CDH20: variants seen among roughly 807,000 people sequenced by gnomAD.
CDH20 encodes cadherin-20.
Under a neutral mutation model 74.2 loss-of-function variants are expected in CDH20, and 29 were observed. The ratio of observed to expected loss-of-function variants is 0.39; its 90% CI spans 0.29 to 0.53. The LOEUF (loss-of-function observed/expected upper bound fraction) is 0.53, where lower values mean the gene tolerates loss of function less well. Among genes scored for constraint, CDH20 ranks in the 20% least tolerant of loss-of-function variants. The probability of loss-of-function intolerance (pLI) is 0.69; values close to 1 mark genes in which losing one functional copy is unlikely to be tolerated. For missense variants in CDH20, 988 were observed against 1,048.3 expected (o/e 0.94, Z 0.79); for synonymous variants, 469 against 405.4 (o/e 1.16, Z -1.88).
In CDH20 at chr18:61,442,831, T is replaced by C. The variant is rs889311534; in HGVS notation, c.-152-47571T>C. Among the ~76,000 whole-genome samples, 3 of 152,108 alleles carry C rather than the reference T, an allele frequency of 2.0e-5. 1 individual carries two copies. In the South Asian group the frequency reaches 6.2e-4, roughly 32 times the overall value. ...TTAGCAGTAATTCATCTCTGAGCAG[T>C]TAGCAATGGCACACAGATCTGGCCT... On this transcript the variant is annotated intron_variant, in intron 1 of 11. Transcript: ENST00000262717.
chr18:61,422,368 A>G (rs1244772081), intron 1 of CDH20, among the ~76,000 whole-genome samples: 1 of 152,108 alleles, frequency 6.6e-6, no homozygotes, highest in East Asian at 1.9e-4. Context: ...TTCTGTCTTG[A>G]TATCATTTAA....
At chr18:61,336,474 G>T (rs1281397159) in intron 1 of CDH20, among the ~76,000 whole-genome samples, 1 of 152,178 alleles carries the variant, frequency 6.6e-6, no homozygotes, top group Non-Finnish European at 1.5e-5. Flanking sequence ...TCAAAGACCT[G>T]CAGCTGTTGG....
intron 1 of CDH20, among the ~76,000 whole-genome samples, chr18:61,392,956 G>A (rs1444443013): frequency 1.3e-5 from 2 of 152,128 alleles, no homozygotes; most frequent in Admixed American, 1.3e-4. Flanking sequence ...CATCCCCAGT[G>A]GCAGGATCAC....
At chr18:61,373,619 G>T (rs187884032) in intron 1 of CDH20, among the ~76,000 whole-genome samples, 1 of 152,182 alleles carries the variant, frequency 6.6e-6, no homozygotes, top group Admixed American at 6.5e-5. Context: ...TTTAATGAAG[G>T]CTCAGGGATG....
intron 1 of CDH20, among the ~76,000 whole-genome samples, chr18:61,475,688 G>A (rs1425371459): frequency 1.3e-5 from 2 of 152,158 alleles, no homozygotes; most frequent in African/African-American, 4.8e-5. Flanking sequence ...ATAATAGCAT[G>A]TGTTATTGCA....
chr18:61,471,766 A>C (rs1209098745), intron 1 of CDH20, among the ~76,000 whole-genome samples: 1 of 152,082 alleles, frequency 6.6e-6, no homozygotes, highest in East Asian at 1.9e-4. Context: ...AACTCAACAA[A>C]CCCATTCCTG....
intron 10 of CDH20, among the ~76,000 whole-genome samples, chr18:61,548,946 T>C (rs1913341960): frequency 6.6e-6 from 1 of 152,200 alleles, no homozygotes; most frequent in Admixed American, 6.5e-5. Flanking sequence ...AATGTTTTCT[T>C]AGGTTAGGCT....
intron 5 of CDH20, among the ~76,000 whole-genome samples, chr18:61,504,600 C>T (rs1329342492): frequency 6.6e-6 from 1 of 151,904 alleles, no homozygotes; most frequent in Non-Finnish European, 1.5e-5. Flanking sequence ...GGAATGAAGA[C>T]GTAAGTTTGA....
At chr18:61,421,385 G>T (rs938765040) in intron 1 of CDH20, among the ~76,000 whole-genome samples, 1 of 152,060 alleles carries the variant, frequency 6.6e-6, no homozygotes, top group Non-Finnish European at 1.5e-5. Context: ...CAAATTTACT[G>T]TTATCACCAG....
chr18:61,371,345 G>C (rs1316083595), intron 1 of CDH20, among the ~76,000 whole-genome samples: 1 of 151,950 alleles, frequency 6.6e-6, no homozygotes, highest in Non-Finnish European at 1.5e-5. Flanking sequence ...ATGATGAAAT[G>C]GTATCTGTCT....
intron 1 of CDH20, among the ~76,000 whole-genome samples, chr18:61,442,209 G>C (rs1426734565): frequency 1.3e-5 from 2 of 152,000 alleles, no homozygotes; most frequent in Non-Finnish European, 2.9e-5. Context: ...AAATTGGCCA[G>C]GCATGGTGGC....
chr18:61,436,965 T>C (rs891022143), intron 1 of CDH20, among the ~76,000 whole-genome samples: 11 of 152,084 alleles, frequency 7.2e-5, no homozygotes, highest in African/African-American at 2.2e-4. Flanking sequence ...AAATGAAGAA[T>C]AAAAAATGTG....
intron 1 of CDH20, among the ~76,000 whole-genome samples, chr18:61,373,569 CA>C (rs911860399): frequency 6.6e-6 from 1 of 152,124 alleles, no homozygotes; most frequent in African/African-American, 2.4e-5. Context: ...GCATGGGACA[CA>C]CCTTAATTCC....
At chr18:61,469,878 A>G (rs990301560) in intron 1 of CDH20, among the ~76,000 whole-genome samples, 6 of 152,328 alleles carry the variant, frequency 3.9e-5, no homozygotes, top group Middle Eastern at 6.8e-3. Flanking sequence ...TACATGAACT[A>G]TATCAATGAT....
In CDH20 at chr18:61,555,324, T is replaced by G. The variant is rs1264008205; in HGVS notation, c.*629T>G. The stretch of plus-strand genomic sequence containing the variant: ...GAAGGAAGAGACATTGACTTTATGC[T>G]CAAGTTTAGTGGCTGAACCAAGAGA... On this transcript the variant is annotated 3_prime_UTR_variant, in exon 12 of 12. Coordinates refer to ENST00000262717, the MANE Select transcript of CDH20 (RefSeq NM_031891.4). The G allele has an allele frequency of 1.0e-6, 1 of 985,402 alleles. No individual in the cohort carries two copies. The highest frequency in any genetic ancestry group is 1.2e-6 in the Non-Finnish European group (1 of 830,034). 61.0% of individuals were successfully genotyped at this position (985,402 alleles called of 1,614,324 possible).
intron 2 of CDH20, among the ~76,000 whole-genome samples, chr18:61,493,594 C>A (rs1306496392): frequency 6.6e-6 from 1 of 152,226 alleles, no homozygotes; most frequent in Non-Finnish European, 1.5e-5. Context: ...CCTGACCCCA[C>A]ATGTGTGCCC....
chr18:61,424,004 A>G (rs1912981853), intron 1 of CDH20, among the ~76,000 whole-genome samples: 1 of 152,170 alleles, frequency 6.6e-6, no homozygotes, highest in South Asian at 2.1e-4. Context: ...ACGCTCATCA[A>G]AAAAATGGCA....
chr18:61,489,079 C>T (rs1910869002), intron 1 of CDH20, among the ~76,000 whole-genome samples: 1 of 152,214 alleles, frequency 6.6e-6, no homozygotes, highest in Non-Finnish European at 1.5e-5. Context: ...GCACAGCCTC[C>T]CATTCTGCTA....
Position 61,528,136 on chromosome 18 carries a change from T to C in CDH20, c.1187T>C (p.Val396Ala), listed in dbSNP as rs887458015. The C allele has an allele frequency of 1.9e-6, 3 of 1,614,132 alleles. No homozygotes were observed. Among genetic ancestry groups the C allele is most frequent in the Non-Finnish European group, 2.5e-6 (3 of 1,180,010 alleles). ...PPVFEPGFYF[V>A]EVPEDVAIGT... ...GTGTTTGAACCTGGCTTTTACTTTG[T>C]GGAGGTGCCTGAGGATGTGGCGATT... The change falls in exon 7 of 12, where the codon GTG becomes GCG. Residue 396 changes from valine to alanine, a missense_variant. Coordinates refer to ENST00000262717, the MANE Select transcript of CDH20 (RefSeq NM_031891.4).
Sources: gnomAD v4.1 joint callset for allele counts (sites outside exome capture counted in the v4.1 genomes callset) on GRCh38, gnomAD v4.1.1 for gene constraint, MANE v1.5 for transcripts, NCBI Gene and HGNC (gene_info 2026-07-23, HGNC 2026-07-21) for gene names.